Variants in ADGRG5 observed in about 807,000 individuals in gnomAD.
ADGRG5 encodes the protein adhesion G protein-coupled receptor G5, also known as G protein-coupled receptor 114.
ADGRG5 carries 37 observed loss-of-function variants against 53.2 expected under a neutral mutation model. That is an observed-to-expected ratio of 0.70 (90% CI 0.53 to 0.91). ADGRG5 has a LOEUF of 0.91. Among genes scored for constraint, ADGRG5 ranks in the 40% least tolerant of loss-of-function variants. ADGRG5 has a pLI of 0.00. For missense variants in ADGRG5, 614 were observed against 675.8 expected (o/e 0.91, Z 1.01); for synonymous variants, 277 against 290.4 (o/e 0.95, Z 0.47).
chr16:57,550,411 T>C (rs1183556168), intron 1 of ADGRG5, among the ~76,000 whole-genome samples: 1 of 152,248 alleles, frequency 6.6e-6, no homozygotes, highest in Non-Finnish European at 1.5e-5. Flanking sequence ...ACATCAGATA[T>C]GTGTTTGTAA....
rs1444219178 is a variant in ADGRG5, at chr16:57,545,519, T to A, written c.-39+2818T>A. ...CTGGGCAACATGCTGAAACCACGTC[T>A]CTACAATAGCTGGGCTTGGATGTGC... On this transcript the variant is annotated intron_variant, in intron 1 of 11. Coordinates refer to ENST00000349457, the MANE Select transcript of ADGRG5 (RefSeq NM_001304376.3). Among the ~76,000 whole-genome samples the A allele has an allele frequency of 3.9e-5, 6 of 152,280 alleles. No individual in the cohort carries two copies. In the South Asian group the frequency reaches 1.0e-3, roughly 26 times the overall value.
chr16:57,531,398 G>A, the ADGRG5 span, among the ~76,000 whole-genome samples: 1 of 151,858 alleles, frequency 6.6e-6, no homozygotes, highest in African/African-American at 2.4e-5. Context: ...CTGTGCATCC[G>A]CCTTCCATCC....
At chr16:57,564,956 C>G (rs1014169501) in intron 5 of ADGRG5, 78 bp from the exon 6 acceptor site, 2 of 781,028 alleles carry the variant, frequency 2.6e-6, no homozygotes, top group East Asian at 2.5e-5. Flanking sequence ...TGTTCTCATC[C>G]AGGGAAGCGG....
chr16:57,532,653 G>C, the ADGRG5 span, among the ~76,000 whole-genome samples: 2 of 151,410 alleles, frequency 1.3e-5, no homozygotes, highest in Non-Finnish European at 2.9e-5. Context: ...CTGACACACA[G>C]GTACAAGGAC....
In ADGRG5 at chr16:57,545,816, G is replaced by T. The variant is rs199546970; in HGVS notation, c.-39+3115G>T. Among the ~76,000 whole-genome samples the T allele has an allele frequency of 4.1e-5, 6 of 145,316 alleles. No homozygotes were observed. In the East Asian group the frequency reaches 1.2e-3, roughly 30 times the overall value. On this transcript the variant is annotated intron_variant, in intron 1 of 11. Transcript: ENST00000349457. The stretch of plus-strand genomic sequence containing the variant: ...CTTATATTATTTCTCACATGTGCAA[G>T]TTCACCATTTATTTATTTTTATTTT...
At chr16:57,565,013 C>A in intron 5 of ADGRG5, 21 bp from the exon 6 acceptor site, 1 of 1,505,878 alleles carries the variant, frequency 6.6e-7, no homozygotes, top group South Asian at 1.1e-5. Flanking sequence ...CCACTCAGCC[C>A]TTCTCCTGCT....
chr16:57,570,766 G>A (rs770184702), intron 10 of ADGRG5, among the ~76,000 whole-genome samples: 5 of 152,310 alleles, frequency 3.3e-5, no homozygotes, highest in South Asian at 4.1e-4. Flanking sequence ...CGAAGCCAGC[G>A]TCTGCTCGCC....
chr16:57,566,718 C>T lies in ADGRG5; in HGVS notation c.666C>T (p.Arg222=). The part of the protein sequence containing the change: ...EQPSHSQVLC[R]CNHLTYFAVL... ...CCTCCCACTCTCAGGTGCTCTGCCG[C>T]TGCAACCACCTCACCTACTTTGCTG... Residue 222 remains arginine, a synonymous_variant, in exon 7 of 12, where the codon CGC becomes CGT. Coordinates refer to ENST00000349457, the MANE Select transcript of ADGRG5 (RefSeq NM_001304376.3). 1 of 1,569,790 alleles carries T rather than the reference C, an allele frequency of 6.4e-7. No individual in the cohort carries two copies.
chr16:57,562,250 A>G, intron 2 of ADGRG5, 93 bp downstream of exon 2: 2 of 1,423,120 alleles, frequency 1.4e-6, no homozygotes, highest in Non-Finnish European at 9.7e-7. Flanking sequence ...GAGATTGAAA[A>G]GGGCCACTTA....
At chr16:57,559,097 A>G (rs1312720821) in intron 1 of ADGRG5, among the ~76,000 whole-genome samples, 2 of 149,906 alleles carry the variant, frequency 1.3e-5, no homozygotes, top group Non-Finnish European at 3.0e-5. Context: ...CAATTTGCCT[A>G]CCTCGGCCAC....
chr16:57,558,073 G>A (rs7187831), intron 1 of ADGRG5, among the ~76,000 whole-genome samples: 62,538 of 152,076 alleles, frequency 0.41, 13,664 homozygotes, highest in East Asian at 0.69. Flanking sequence ...TTCTTATGTC[G>A]TGGCTGTAGT....
chr16:57,551,137 A>G (rs1231051573), intron 1 of ADGRG5, among the ~76,000 whole-genome samples: 1 of 152,216 alleles, frequency 6.6e-6, no homozygotes, highest in African/African-American at 2.4e-5. Context: ...TTTATTGCTA[A>G]AAAGTACTAG....
upstream of ADGRG5, among the ~76,000 whole-genome samples, chr16:57,540,991 A>G (rs568900663): frequency 6.6e-6 from 1 of 152,218 alleles, no homozygotes; most frequent in East Asian, 1.9e-4. Flanking sequence ...GGGTTTTGCC[A>G]TGTTGCCCAG....
chr16:57,570,879 C>T (rs1352919713), intron 10 of ADGRG5, among the ~76,000 whole-genome samples: 1 of 152,178 alleles, frequency 6.6e-6, no homozygotes, highest in Non-Finnish European at 1.5e-5. Context: ...CTCTGTTCCC[C>T]TGCAGACCAC....
chr16:57,538,698 C>T (rs1363612305), upstream of ADGRG5, among the ~76,000 whole-genome samples: 1 of 152,196 alleles, frequency 6.6e-6, no homozygotes, highest in African/African-American at 2.4e-5. Flanking sequence ...GGCAGCCTGT[C>T]CCACTCAGTT....
Position 57,567,516 on chromosome 16 carries a change from C to A in ADGRG5, c.746C>A (p.Thr249Lys), listed in dbSNP as rs371516015. ...LVPAELLAPL[T>K]YISLVGCSIS... is the part of the protein sequence containing the mutation. ...CCTGCAGAGTTGCTGGCACCTCTTA[C>A]GTACATCTCCCTCGTGGGCTGCAGC... The change falls in exon 8 of 12, where the codon ACG becomes AAG. Residue 249 changes from threonine to lysine, a missense_variant. By Grantham distance (78) the Thr-to-Lys change is moderately conservative (BLOSUM62 -1). Coordinates refer to ENST00000349457, the MANE Select transcript of ADGRG5 (RefSeq NM_001304376.3). The A allele has an allele frequency of 6.2e-7, 1 of 1,611,496 alleles. No homozygotes were observed. The highest frequency in any genetic ancestry group is 1.7e-5 in the Admixed American group (1 of 60,010).
intron 1 of ADGRG5, among the ~76,000 whole-genome samples, chr16:57,555,380 T>C (rs571848355): frequency 3.4e-4 from 52 of 152,206 alleles, no homozygotes; most frequent in African/African-American, 1.3e-3. Context: ...TTTATAAGCA[T>C]CTGGTTTTTC....
At chr16:57,555,967 T>C (rs1377903832) in intron 1 of ADGRG5, among the ~76,000 whole-genome samples, 1 of 152,070 alleles carries the variant, frequency 6.6e-6, no homozygotes, top group Non-Finnish European at 1.5e-5. Context: ...CTTCTCTCTC[T>C]CTCTCCCCTG....
Position 57,565,015 on chromosome 16 carries a change from TCTC to T in ADGRG5, c.430-16_430-14del. 6.5e-7 allele frequency: 1 copy of T among 1,527,982 alleles called. No individual in the cohort carries two copies. Among genetic ancestry groups the T allele is most frequent in the Non-Finnish European group, 9.1e-7 (1 of 1,102,566 alleles). 94.7% of individuals were successfully genotyped at this position (1,527,982 alleles called of 1,614,324 possible). ...CCCCATTTCCCCTCCACTCAGCCCT[TCTC>T]CTGCTGCCCTTCCAGGATGAAAACA... On this transcript the variant is annotated splice_polypyrimidine_tract_variant and intron_variant, in intron 5 of 11. Coordinates refer to ENST00000349457, the MANE Select transcript of ADGRG5 (RefSeq NM_001304376.3).
Sources: gnomAD v4.1 joint callset for allele counts (sites outside exome capture counted in the v4.1 genomes callset) on GRCh38, gnomAD v4.1.1 for gene constraint, MANE v1.5 for transcripts, NCBI Gene and HGNC (gene_info 2026-07-23, HGNC 2026-07-21) for gene names.